Variants in ALLC observed in about 807,000 individuals in gnomAD.
The protein encoded by ALLC is probable inactive allantoicase.
Under a neutral mutation model 45.0 loss-of-function variants are expected in ALLC, and 40 were observed. That is an observed-to-expected ratio of 0.89 (90% confidence interval 0.69 to 1.16). The LOEUF is 1.16. ALLC is among the 50% of genes most tolerant of loss of function. The pLI, the probability that ALLC is intolerant of heterozygous loss-of-function variation, is 0.00. For missense variants in ALLC, 488 were observed against 493.1 expected, an observed-to-expected ratio of 0.99 and a Z score of 0.10; for synonymous variants, 176 against 178.1, an observed-to-expected ratio of 0.99 and a Z score of 0.09.
intron 7 of ALLC, 70 bp downstream of exon 7, chr2:3,683,144 T>A (rs1667243544): frequency 6.8e-7 from 1 of 1,473,524 alleles, no homozygotes; most frequent in African/African-American, 1.4e-5. Flanking sequence ...TTATAAAATA[T>A]AAAATGACTT....
chr2:3,676,975 A>T (rs1394529797), intron 3 of ALLC, among the ~76,000 whole-genome samples: 5 of 152,064 alleles, frequency 3.3e-5, no homozygotes, highest in Admixed American at 2.0e-4. Context: ...TTTAGTAGAG[A>T]GGGGGTTTCA....
intron 2 of ALLC, among the ~76,000 whole-genome samples, chr2:3,672,736 T>G: frequency 6.6e-6 from 1 of 151,364 alleles, no homozygotes; most frequent in Non-Finnish European, 1.5e-5. Context: ...GTCCTCTGGC[T>G]CTGGTTAGAT....
chr2:3,674,156 G>A (rs377764817), intron 3 of ALLC, 31 bp downstream of exon 3: 4 of 1,490,848 alleles, frequency 2.7e-6, no homozygotes, highest in African/African-American at 1.4e-5. Context: ...GCAATGTAAA[G>A]GGTTGATGTA....
chr2:3,666,880 C>T (rs1666740532), intron 1 of ALLC, among the ~76,000 whole-genome samples: 2 of 152,346 alleles, frequency 1.3e-5, no homozygotes, highest in South Asian at 4.1e-4. Context: ...GCCTGTTCCA[C>T]ACCTGTGCTG....
At chr2:3,697,622 T>C (rs1362397593) in intron 10 of ALLC, among the ~76,000 whole-genome samples, 166 bp downstream of exon 10, 1 of 56,714 alleles carries the variant, frequency 1.8e-5, no homozygotes, top group South Asian at 6.5e-4. Flanking sequence ...TGTCTGTCTG[T>C]CTATCTATCT....
chr2:3,659,381 A>G (rs1186641727), intron 1 of ALLC, among the ~76,000 whole-genome samples: 2 of 152,232 alleles, frequency 1.3e-5, no homozygotes, highest in East Asian at 3.8e-4. Flanking sequence ...GCCGTAACCC[A>G]TGACAATGCT....
intron 7 of ALLC, among the ~76,000 whole-genome samples, chr2:3,691,519 T>A (rs1206678045): frequency 6.6e-6 from 1 of 152,112 alleles, no homozygotes; most frequent in Admixed American, 6.5e-5. Flanking sequence ...CACCTTGACC[T>A]CCCAAAGTGC....
chr2:3,666,535 C>G (rs1197899309), intron 1 of ALLC, among the ~76,000 whole-genome samples: 1 of 152,204 alleles, frequency 6.6e-6, no homozygotes, highest in Non-Finnish European at 1.5e-5. Flanking sequence ...CTACACCCTT[C>G]GACCCACAGC....
chr2:3,646,160 T>C, the ALLC span, among the ~76,000 whole-genome samples: 3 of 151,978 alleles, frequency 2.0e-5, no homozygotes, highest in Non-Finnish European at 4.4e-5. Context: ...AGTGCAGGCA[T>C]GTGTACTACC....
chr2:3,661,337 G>A (rs1666571925), intron 1 of ALLC, among the ~76,000 whole-genome samples: 1 of 152,188 alleles, frequency 6.6e-6, no homozygotes, highest in Non-Finnish European at 1.5e-5. Context: ...ATGCACGCAA[G>A]CATTTAGCTG....
At chr2:3,661,095 C>G (rs13392120) in intron 1 of ALLC, among the ~76,000 whole-genome samples, 3 of 151,876 alleles carry the variant, frequency 2.0e-5, no homozygotes, top group Non-Finnish European at 1.5e-5. Flanking sequence ...ATTCACAACC[C>G]GTCCCCCTCC....
Position 3,670,385 on chromosome 2 carries a change from G to T in ALLC, c.-62-711G>T, listed in dbSNP as rs115836067. Among the ~76,000 whole-genome samples, 57 of 152,300 alleles carry T rather than the reference G, an allele frequency of 3.7e-4. 1 individual carries two copies. Among genetic ancestry groups the T allele is most frequent in the African/African-American group, 1.3e-3 (56 of 41,560 alleles). ...GGGCTAGGAACAGACGCCACCTCTTGGCTTAGGGGCGGGGAGGCTCTGGGG... is the reference window on the plus strand; with the variant it reads ...GGGCTAGGAACAGACGCCACCTCTTTGCTTAGGGGCGGGGAGGCTCTGGGG... On this transcript the variant is annotated intron_variant, in intron 1 of 11. Coordinates refer to ENST00000252505, the MANE Select transcript of ALLC (RefSeq NM_018436.4).
chr2:3,651,301 TGGGTGGGTGGGTGGGGG>T, the ALLC span, among the ~76,000 whole-genome samples: 437 of 7,770 alleles, frequency 0.056, 91 homozygotes, highest in African/African-American at 0.16. Flanking sequence ...TCTTTTTGGG[TGGGTGGGTGGGTGGGGG>T]GGGTGTGTGT....
chr2:3,681,590 T>A (rs1289881075), intron 5 of ALLC, 44 bp from the exon 6 acceptor site: 1 of 1,444,772 alleles, frequency 6.9e-7, no homozygotes, highest in Middle Eastern at 1.7e-4. Flanking sequence ...TTCCCTTTGA[T>A]TTTGAACCCT....
At chr2:3,698,758 A>G (rs1200481890) in intron 10 of ALLC, among the ~76,000 whole-genome samples, 1 of 151,028 alleles carries the variant, frequency 6.6e-6, no homozygotes, top group Admixed American at 6.6e-5. Context: ...TTTTATTTTT[A>G]TTTATTTATT....
At chr2:3,700,376 T>C (rs1304534518) in intron 10 of ALLC, among the ~76,000 whole-genome samples, 2 of 152,238 alleles carry the variant, frequency 1.3e-5, no homozygotes, top group Non-Finnish European at 2.9e-5. Flanking sequence ...TGGATTTTCT[T>C]GTTCATACAT....
intron 1 of ALLC, among the ~76,000 whole-genome samples, chr2:3,664,754 G>A (rs568510137): frequency 6.6e-6 from 1 of 151,972 alleles, no homozygotes; most frequent in African/African-American, 2.4e-5. Context: ...GTGTGGTGGT[G>A]CGCACCTGTA....
chr2:3,675,908 G>C (rs528388668), intron 3 of ALLC, among the ~76,000 whole-genome samples: 7 of 152,344 alleles, frequency 4.6e-5, no homozygotes, highest in Non-Finnish European at 7.4e-5. Context: ...CCGAGCCTGA[G>C]ACAGTAGCAG....
chr2:3,676,217 TAA>T (rs1667021682), intron 3 of ALLC, among the ~76,000 whole-genome samples: 1 of 152,246 alleles, frequency 6.6e-6, no homozygotes, highest in African/African-American at 2.4e-5. Flanking sequence ...CGTAAATATA[TAA>T]GATATTTTGT....
Sources: allele counts gnomAD v4.1 joint callset (sites outside exome capture counted in the v4.1 genomes callset), GRCh38; gene constraint gnomAD v4.1.1; transcripts MANE v1.5; gene names NCBI Gene and HGNC (gene_info 2026-07-23, HGNC 2026-07-21).